Variants in MBD2 observed in about 807,000 individuals in gnomAD.
MBD2 encodes the protein methyl-CpG-binding domain protein 2.
Under a neutral mutation model 39.3 loss-of-function variants are expected in MBD2, and 9 were observed. The ratio of observed to expected loss-of-function variants is 0.23; its 90% CI spans 0.14 to 0.40. The LOEUF is 0.40. Among genes scored for constraint, MBD2 ranks in the 10% least tolerant of loss-of-function variants. The pLI, the probability that MBD2 is intolerant of heterozygous loss-of-function variation, is 1.00. For missense variants in MBD2, 458 were observed against 532.6 expected (o/e 0.86, Z 1.38); for synonymous variants, 233 against 211.1 (o/e 1.10, Z -0.90).
intron 1 of MBD2, among the ~76,000 whole-genome samples, chr18:54,220,635 T>C (rs2086603277): frequency 6.6e-6 from 1 of 152,240 alleles, no homozygotes. Context: ...GTGTTCACAT[T>C]ACCAACAGGA....
intron 2 of MBD2, among the ~76,000 whole-genome samples, chr18:54,198,303 C>G (rs1261628531): frequency 6.6e-6 from 1 of 152,204 alleles, no homozygotes. Context: ...AGCAAGTGAC[C>G]TGGCTCTTCA....
Position 54,216,082 on chromosome 18 carries a change from C to T in MBD2, c.542+7936G>A, listed in dbSNP as rs145983509. Among the ~76,000 whole-genome samples the T allele has an allele frequency of 5.0e-3, 766 of 152,158 alleles. 8 individuals carry two copies. Among genetic ancestry groups the T allele is most frequent in the African/African-American group, 0.017 (698 of 41,498 alleles). ...TCGGCCTCCCAAAGTGCTGGGATTA[C>T]AGGCGTGAGCCACCGCATCCAGCCC... is the stretch of plus-strand genomic sequence containing the variant. On this transcript the variant is annotated intron_variant, in intron 1 of 6. Coordinates refer to ENST00000256429, the MANE Select transcript of MBD2 (RefSeq NM_003927.5).
rs1165499382 is a variant in MBD2, at chr18:54,153,259, G to GT, written c.*2064dup. 1 of 152,310 alleles carries GT rather than the reference G, an allele frequency of 6.6e-6. No individual in the cohort carries two copies. The highest frequency in any genetic ancestry group is 2.4e-5 in the African/African-American group (1 of 41,456). 9.4% of individuals were successfully genotyped at this position (152,310 alleles called of 1,614,324 possible). A position where few individuals can be genotyped will look rare whatever the true frequency, so the allele number is the denominator to read the frequency against. On this transcript the variant is annotated 3_prime_UTR_variant, in exon 7 of 7. Coordinates refer to ENST00000256429, the MANE Select transcript of MBD2 (RefSeq NM_003927.5). Reference sequence around the variant, plus strand: ...GCTCACTCCTGGGCTTCTGCCTTGCGTAACTGGAGAAGATGGCTTGCTTTT... The same window carrying GT: ...GCTCACTCCTGGGCTTCTGCCTTGCGTTAACTGGAGAAGATGGCTTGCTTTT...
intron 3 of MBD2, among the ~76,000 whole-genome samples, chr18:54,185,138 A>G (rs903933984): frequency 1.3e-5 from 2 of 152,218 alleles, no homozygotes; most frequent in African/African-American, 2.4e-5. Context: ...CATTTACAAA[A>G]TTTATCTTTT....
intron 3 of MBD2, among the ~76,000 whole-genome samples, chr18:54,177,827 C>CTTT (rs34113185): frequency 0.029 from 2,561 of 87,006 alleles, 4 homozygotes; most frequent in Non-Finnish European, 0.039. Context: ...TTTTTCCTCT[C>CTTT]TTTTTTTTTT....
At chr18:54,207,149 T>C (rs551980989) in intron 1 of MBD2, among the ~76,000 whole-genome samples, 6 of 152,238 alleles carry the variant, frequency 3.9e-5, no homozygotes, top group Non-Finnish European at 8.8e-5. Context: ...ATATCTGTTA[T>C]ATAATTTTTC....
At chr18:54,175,565 G>C (rs2086206134) in intron 3 of MBD2, among the ~76,000 whole-genome samples, 1 of 152,114 alleles carries the variant, frequency 6.6e-6, no homozygotes, top group Non-Finnish European at 1.5e-5. Flanking sequence ...TTAAGTGACA[G>C]ATGCACTTGA....
At chr18:54,176,331 C>G (rs2086212535) in intron 3 of MBD2, among the ~76,000 whole-genome samples, 1 of 152,228 alleles carries the variant, frequency 6.6e-6, no homozygotes. Flanking sequence ...TCAGATCTAT[C>G]TCAGGTTATC....
chr18:54,173,299 G>A (rs1215433001), intron 3 of MBD2, among the ~76,000 whole-genome samples: 1 of 152,066 alleles, frequency 6.6e-6, no homozygotes, highest in Admixed American at 6.5e-5. Context: ...TTAAAAATGT[G>A]AGGCCTCTTG....
intron 3 of MBD2, among the ~76,000 whole-genome samples, chr18:54,180,273 A>G (rs1316741543): frequency 6.6e-6 from 1 of 152,158 alleles, no homozygotes; most frequent in Non-Finnish European, 1.5e-5. Flanking sequence ...TTTACATCCT[A>G]GCAGCATAAA....
chr18:54,178,337 C>T (rs2086226913), intron 3 of MBD2, among the ~76,000 whole-genome samples: 2 of 151,978 alleles, frequency 1.3e-5, no homozygotes, highest in South Asian at 4.1e-4. Flanking sequence ...ATATTAAAAA[C>T]AGTATATAAA....
At chr18:54,175,819 A>G (rs955219449) in intron 3 of MBD2, among the ~76,000 whole-genome samples, 1 of 152,160 alleles carries the variant, frequency 6.6e-6, no homozygotes, top group Non-Finnish European at 1.5e-5. Context: ...TCACTGATAC[A>G]TTCGCCTGCC....
At chr18:54,179,054 G>C (rs1431221592) in intron 3 of MBD2, among the ~76,000 whole-genome samples, 2 of 152,194 alleles carry the variant, frequency 1.3e-5, no homozygotes, top group Non-Finnish European at 2.9e-5. Context: ...GCCAGGCGTG[G>C]TGGTGTGCAC....
chr18:54,170,723 T>C (rs1215988615), intron 3 of MBD2, among the ~76,000 whole-genome samples: 1 of 152,130 alleles, frequency 6.6e-6, no homozygotes, highest in African/African-American at 2.4e-5. Flanking sequence ...GTGGAAAACA[T>C]GCAAAACTCT....
chr18:54,202,203 C>T (rs538137780), intron 2 of MBD2, among the ~76,000 whole-genome samples: 10 of 151,932 alleles, frequency 6.6e-5, no homozygotes, highest in Non-Finnish European at 1.3e-4. Context: ...ATTAGCTAGG[C>T]GTGGTGGTGG....
chr18:54,218,653 C>T (rs550820965), intron 1 of MBD2, among the ~76,000 whole-genome samples: 22 of 152,192 alleles, frequency 1.4e-4, no homozygotes, highest in South Asian at 6.2e-4. Flanking sequence ...GTACCTGTTT[C>T]ATAGGGTTAT....
At chr18:54,220,225 G>C (rs1175654372) in intron 1 of MBD2, among the ~76,000 whole-genome samples, 1 of 152,164 alleles carries the variant, frequency 6.6e-6, no homozygotes, top group Non-Finnish European at 1.5e-5. Flanking sequence ...GAGTCAAGTA[G>C]ACAAGTTAGA....
At position 54,224,214 on chromosome 18, in the gene MBD2, TGCCGCCGCCGCCGCA is replaced by T. The variant is rs1555665528; in HGVS notation, c.331_345del (p.Cys111_Gly115del). The T allele has an allele frequency of 2.3e-5, 26 of 1,121,444 alleles. No individual in the cohort carries two copies. The highest frequency in any genetic ancestry group is 2.5e-5 in the Non-Finnish European group (23 of 916,238). 69.5% of individuals were successfully genotyped at this position (1,121,444 alleles called of 1,614,324 possible). A position where few individuals can be genotyped will look rare whatever the true frequency, so the allele number is the denominator to read the frequency against. ...CGCCGGGGGGCGCCGCCGCCACCGC[TGCCGCCGCCGCCGCA>T]GCCGCCGCCGTCGCCGCCAAGGCCG... On this transcript the variant is annotated inframe_deletion, in exon 1 of 7. Transcript: ENST00000256429.
At chr18:54,202,796 A>G in intron 2 of MBD2, 1 of 1,544,580 alleles carries the variant, frequency 6.5e-7, no homozygotes, top group Non-Finnish European at 8.7e-7. Context: ...TACCGTGTGC[A>G]AAAGCAAAAA....
Sources: allele counts gnomAD v4.1 joint callset (sites outside exome capture counted in the v4.1 genomes callset), GRCh38; gene constraint gnomAD v4.1.1; transcripts MANE v1.5; gene names NCBI Gene and HGNC (gene_info 2026-07-23, HGNC 2026-07-21).